ZNF407: variants seen among roughly 807,000 people sequenced by gnomAD.
ZNF407 encodes the protein zinc finger protein 407.
In ZNF407, 17 loss-of-function variants were observed where a neutral mutation model predicts 131.2. The observed-to-expected ratio is 0.13, with a 90% CI of 0.09 to 0.19. ZNF407 has a LOEUF of 0.19. Among genes scored for constraint, ZNF407 ranks in the 10% least tolerant of loss-of-function variants. ZNF407 has a pLI of 1.00. For synonymous variants in ZNF407, 1,156 were observed against 1,062.0 expected, an observed-to-expected ratio of 1.09 and a Z score of -1.72; for missense variants, 2,681 against 2,830.6, an observed-to-expected ratio of 0.95 and a Z score of 1.20.
intron 3 of ZNF407, among the ~76,000 whole-genome samples, chr18:74,729,556 T>C (rs1054321280): frequency 1.3e-5 from 2 of 152,072 alleles, no homozygotes; most frequent in Non-Finnish European, 2.9e-5. Context: ...TTACTGTGAA[T>C]TTGTTAAGTA....
At chr18:74,860,623 G>T (rs1276300953) in intron 4 of ZNF407, among the ~76,000 whole-genome samples, 2 of 151,882 alleles carry the variant, frequency 1.3e-5, no homozygotes, top group African/African-American at 4.8e-5. Context: ...TGCTGCCAAA[G>T]TAAGTTTTAA....
chr18:74,632,441 A>G lies in ZNF407; in HGVS notation c.1422A>G (p.Glu474=), dbSNP rs2144665115. The change falls in exon 2 of 9, where the codon GAA becomes GAG. Residue 474 remains glutamate, a synonymous_variant. Transcript: ENST00000299687. ...CACAGATGAAAACACACGATGCAGA[A>G]TCAGTGCTGAAACACCTGGAAGCGT... ...LRTQMKTHDA[E]SVLKHLEACS... 6.2e-7 allele frequency: 1 copy of G among 1,614,084 alleles called. No individual in the cohort carries two copies. The highest frequency in any genetic ancestry group is 8.5e-7 in the Non-Finnish European group (1 of 1,179,914).
At chr18:74,804,026 C>T (rs373502908) in intron 4 of ZNF407, 35 of 1,551,574 alleles carry the variant, frequency 2.3e-5, no homozygotes, top group African/African-American at 2.7e-5. Flanking sequence ...AGGAACGCGT[C>T]GAGTGCCTCT....
intron 8 of ZNF407, among the ~76,000 whole-genome samples, chr18:74,966,701 C>A (rs1358422111): frequency 6.6e-6 from 1 of 152,046 alleles, no homozygotes; most frequent in African/African-American, 2.4e-5. Flanking sequence ...TGGAGAATGT[C>A]ATTGGCATTT....
At chr18:74,744,495 A>G (rs1312840889) in intron 3 of ZNF407, among the ~76,000 whole-genome samples, 2 of 152,128 alleles carry the variant, frequency 1.3e-5, no homozygotes, top group African/African-American at 4.8e-5. Flanking sequence ...CAATAGTTTT[A>G]TATTTTAAAA....
At chr18:74,654,370 T>G (rs1985357680) in intron 3 of ZNF407, among the ~76,000 whole-genome samples, 1 of 151,848 alleles carries the variant, frequency 6.6e-6, no homozygotes, top group Non-Finnish European at 1.5e-5. Flanking sequence ...GGCAATGTTT[T>G]GGCCAGACTT....
chr18:74,799,682 T>A (rs919548411), intron 4 of ZNF407, among the ~76,000 whole-genome samples: 3 of 152,064 alleles, frequency 2.0e-5, no homozygotes, highest in Non-Finnish European at 4.4e-5. Flanking sequence ...CTTTTGTGCA[T>A]TTATATTGTT....
intron 3 of ZNF407, among the ~76,000 whole-genome samples, chr18:74,676,914 C>G (rs1349402775): frequency 6.6e-6 from 1 of 152,148 alleles, no homozygotes; most frequent in African/African-American, 2.4e-5. Flanking sequence ...CACTCGGGAG[C>G]AGAGGCTGAC....
rs1403626928 is a variant in ZNF407, at chr18:75,039,979, C to T, written c.5429-23171C>T. ...GGCTGGGTATGACAGAGAGAGGTGCCGATAATGGTTCTGCAGTGCTCACAG... is the reference window on the plus strand; with the variant it reads ...GGCTGGGTATGACAGAGAGAGGTGCTGATAATGGTTCTGCAGTGCTCACAG... On this transcript the variant is annotated intron_variant, in intron 8 of 8. Transcript: ENST00000299687. Among the ~76,000 whole-genome samples, 4 of 151,874 alleles carry T rather than the reference C, an allele frequency of 2.6e-5. No homozygotes were observed. The East Asian group carries it at 5.8e-4, about 22-fold the overall frequency.
chr18:74,861,054 C>T (rs1002337500), intron 4 of ZNF407, among the ~76,000 whole-genome samples: 1 of 151,998 alleles, frequency 6.6e-6, no homozygotes, highest in Non-Finnish European at 1.5e-5. Context: ...CCATTGTGTC[C>T]GCCTCTTTTT....
chr18:75,044,568 T>C (rs1409151564), intron 8 of ZNF407, among the ~76,000 whole-genome samples: 1 of 152,180 alleles, frequency 6.6e-6, no homozygotes, highest in Non-Finnish European at 1.5e-5. Context: ...AGGTAACGTT[T>C]CTGATCATGA....
At chr18:74,771,266 C>T (rs905473068) in intron 3 of ZNF407, among the ~76,000 whole-genome samples, 7 of 152,032 alleles carry the variant, frequency 4.6e-5, no homozygotes, top group African/African-American at 7.2e-5. Flanking sequence ...TTATGTAACA[C>T]CTGTTAACTT....
intron 3 of ZNF407, among the ~76,000 whole-genome samples, chr18:74,724,049 A>G (rs1968100718): frequency 1.3e-5 from 2 of 152,170 alleles, no homozygotes; most frequent in South Asian, 2.1e-4. Context: ...AAGGCATTAT[A>G]TGTTTATTGT....
chr18:75,063,719 G>T lies in ZNF407; in HGVS notation c.5998G>T (p.Gly2000Trp). ...ATTGCTCTGTGCGGTCACTGAATTA[G>T]GGGAGGTGGAGGGCAGGGCTGGGCT... Reference protein sequence around the residue: ...DALLCAVTELGEVEGRAGLEE... With the variant: ...DALLCAVTELWEVEGRAGLEE... The change falls in exon 9 of 9, where the codon GGG (glycine) becomes TGG (tryptophan). Residue 2000 changes from glycine (G) to tryptophan (W), a missense_variant. By Grantham distance (184) the Gly-to-Trp change is radical (BLOSUM62 -2). Transcript: ENST00000299687. This position sits in a 1 kb window ranked among gnomAD's most constrained non-coding sequence, Gnocchi z 6.6. The T allele has an allele frequency of 6.2e-7, 1 of 1,612,440 alleles. No individual in the cohort carries two copies.
intron 8 of ZNF407, among the ~76,000 whole-genome samples, chr18:74,958,574 A>G (rs940018352): frequency 2.0e-5 from 3 of 152,116 alleles, no homozygotes; most frequent in Non-Finnish European, 4.4e-5. Context: ...CCTGAGCTGC[A>G]TTGGGTTTGA....
At chr18:74,812,073 C>A (rs1254835361) in intron 4 of ZNF407, among the ~76,000 whole-genome samples, 1 of 151,828 alleles carries the variant, frequency 6.6e-6, no homozygotes, top group African/African-American at 2.4e-5. Flanking sequence ...TAATCTTTGC[C>A]TATTACTCTG....
chr18:74,865,010 G>C (rs570696752), intron 4 of ZNF407, among the ~76,000 whole-genome samples: 5 of 152,266 alleles, frequency 3.3e-5, no homozygotes, highest in South Asian at 2.1e-4. Context: ...AGCTCCATAG[G>C]GGGATGTATT....
intron 3 of ZNF407, among the ~76,000 whole-genome samples, chr18:74,675,291 C>T (rs554342656): frequency 2.6e-5 from 4 of 152,208 alleles, no homozygotes; most frequent in South Asian, 2.1e-4. Context: ...GATCACTTAC[C>T]GAAAAAGTAC....
intron 8 of ZNF407, among the ~76,000 whole-genome samples, chr18:75,054,378 G>A (rs1161010577): frequency 6.6e-6 from 1 of 152,188 alleles, no homozygotes; most frequent in East Asian, 1.9e-4. Context: ...GAAGACAAAT[G>A]TCTGTTTCCT....
Sources: allele counts gnomAD v4.1 joint callset (sites outside exome capture counted in the v4.1 genomes callset), GRCh38; gene constraint gnomAD v4.1.1; non-coding constraint Gnocchi (gnomAD v3.1); transcripts MANE v1.5; gene names NCBI Gene and HGNC (gene_info 2026-07-23, HGNC 2026-07-21).